The following EIF4E3 variants were observed in gnomAD, a reference collection of about 807,000 sequenced individuals.
EIF4E3 encodes the protein eukaryotic translation initiation factor 4E family member 3, also known as eukaryotic translation initiation factor 4E type 3.
In EIF4E3, 26 loss-of-function variants were observed where a neutral mutation model predicts 31.7. That is an observed-to-expected ratio of 0.82 (90% CI 0.60 to 1.14). The LOEUF (loss-of-function observed/expected upper bound fraction) is 1.14. Ranked by LOEUF, EIF4E3 falls within the 50% of genes most tolerant of loss-of-function variation. The pLI is 0.00. For missense variants in EIF4E3, 304 were observed against 270.9 expected (o/e 1.12, Z -0.86); for synonymous variants, 128 against 107.7 (o/e 1.19, Z -1.17).
chr3:71,754,461 C>T (rs1195242618), upstream of EIF4E3: 17 of 1,333,172 alleles, frequency 1.3e-5, no homozygotes, highest in Non-Finnish European at 1.5e-5. The surrounding 1 kb of genome is among the most constrained non-coding windows in gnomAD (Gnocchi z 5.8). Flanking sequence ...GGCCGGCTGG[C>T]CGTGCGCCGC....
intron 1 of EIF4E3, among the ~76,000 whole-genome samples, chr3:71,735,448 C>A (rs1343002437): frequency 6.6e-6 from 1 of 152,076 alleles, no homozygotes; most frequent in Non-Finnish European, 1.5e-5. Context: ...TCTTCAATAG[C>A]ATTAGTAACT....
chr3:71,688,125 C>G (rs1195443433), intron 6 of EIF4E3, among the ~76,000 whole-genome samples: 1 of 152,120 alleles, frequency 6.6e-6, no homozygotes, highest in African/African-American at 2.4e-5. Context: ...TTCTGTATTA[C>G]ATACTTTGCA....
Position 71,725,391 on chromosome 3 carries a change from C to G in EIF4E3, c.-24G>C, listed in dbSNP as rs1288483637. 1 of 976,518 alleles carries G rather than the reference C, an allele frequency of 1.0e-6. No homozygotes were observed. The highest frequency in any genetic ancestry group is 1.2e-6 in the Non-Finnish European group (1 of 825,806). The allele number at this position is 976,518 out of a possible 1,614,324, so 60.5% of individuals were successfully genotyped here. A position where few individuals can be genotyped will look rare whatever the true frequency, so the allele number is the denominator to read the frequency against. ...ATTTTCTCCGCCCCGCCTGCAAGGC[C>G]GGCGGACGCGCGGACCGCGGGGCGA... On this transcript the variant is annotated 5_prime_UTR_variant, in exon 1 of 7. Transcript: ENST00000425534. The surrounding 1 kb of genome is among the most constrained non-coding windows in gnomAD (Gnocchi z 6.1).
In EIF4E3 at chr3:71,677,922, G is replaced by T. The variant is rs569208459; in HGVS notation, c.*6760C>A. 9 of 152,040 alleles carry T rather than the reference G, an allele frequency of 5.9e-5. No homozygotes were observed. The highest frequency in any genetic ancestry group is 1.5e-5 in the Non-Finnish European group (1 of 68,020). 9.4% of individuals were successfully genotyped at this position (152,040 alleles called of 1,614,324 possible). On this transcript the variant is annotated 3_prime_UTR_variant, in exon 7 of 7. Coordinates refer to ENST00000425534, the MANE Select transcript of EIF4E3 (RefSeq NM_001134651.2). ...AAAACGGAACCATTCTTAATAGAGG[G>T]TAAAGAAAAAGAATTAAAATAAGCA... is the stretch of plus-strand genomic sequence containing the variant.
chr3:71,725,904 A>T (rs995657172), upstream of EIF4E3, among the ~76,000 whole-genome samples: 9 of 152,016 alleles, frequency 5.9e-5, no homozygotes, highest in Admixed American at 3.9e-4. This position sits in a 1 kb window ranked among gnomAD's most constrained non-coding sequence, Gnocchi z 6.1. Flanking sequence ...TGGAGGAGAG[A>T]AGGAGGGATG....
chr3:71,659,829 A>G, the EIF4E3 span, among the ~76,000 whole-genome samples: 1 of 152,212 alleles, frequency 6.6e-6, no homozygotes, highest in African/African-American at 2.4e-5. Context: ...GGGTGCTTTC[A>G]TGAGAACAGA....
chr3:71,699,831 G>T, intron 2 of EIF4E3, 123 bp from the exon 3 acceptor site: 1 of 746,938 alleles, frequency 1.3e-6, no homozygotes, highest in Non-Finnish European at 2.1e-6. Flanking sequence ...ATTCAAAATA[G>T]ATTTTTCTCA....
chr3:71,722,540 G>A (rs1252478943), intron 1 of EIF4E3, among the ~76,000 whole-genome samples: 1 of 152,170 alleles, frequency 6.6e-6, no homozygotes, highest in Non-Finnish European at 1.5e-5. Flanking sequence ...GTCCAGAAAA[G>A]GGGAGAAAAA....
chr3:71,739,110 T>C (rs1262116142), intron 1 of EIF4E3, among the ~76,000 whole-genome samples: 6 of 149,588 alleles, frequency 4.0e-5, no homozygotes, highest in African/African-American at 1.5e-4. Flanking sequence ...AAAGCACTAC[T>C]GAGAGGGAAA....
At chr3:71,742,180 A>C (rs770452236) in intron 1 of EIF4E3, among the ~76,000 whole-genome samples, 5 of 152,146 alleles carry the variant, frequency 3.3e-5, no homozygotes, top group Non-Finnish European at 7.4e-5. Flanking sequence ...TAGAAAACAG[A>C]AAAACAGTAG....
Position 71,705,338 on chromosome 3 carries a change from G to A in EIF4E3, c.249+5074C>T, listed in dbSNP as rs140711008. ...CTTAACTGCACAACTCCAGTCAGGCGGCTTGACCTGCGGATATGAAGTCTT... is the reference window on the plus strand; with the variant it reads ...CTTAACTGCACAACTCCAGTCAGGCAGCTTGACCTGCGGATATGAAGTCTT... On this transcript the variant is annotated intron_variant, in intron 2 of 6. Transcript: ENST00000425534. Among the ~76,000 whole-genome samples, 5 of 152,260 alleles carry A rather than the reference G, an allele frequency of 3.3e-5. No homozygotes were observed. The East Asian group carries it at 9.6e-4, about 29-fold the overall frequency.
At chr3:71,745,735 G>A (rs9812032) in intron 1 of EIF4E3, among the ~76,000 whole-genome samples, 116,808 of 152,076 alleles carry the variant, frequency 0.77, 45,288 homozygotes, top group South Asian at 0.86. Context: ...CATTGAGTCT[G>A]TCAATGCAAA....
Position 71,725,316 on chromosome 3 carries a change from C to T in EIF4E3, c.52G>A (p.Gly18Arg). 3.1e-6 allele frequency: 3 copies of T among 974,432 alleles called. No homozygotes were observed. The highest frequency in any genetic ancestry group is 3.7e-6 in the Non-Finnish European group (3 of 821,734). The allele number at this position is 974,432 out of a possible 1,614,324, so 60.4% of individuals were successfully genotyped here. ...APPAGAREPP[G>R]SRAAAAAAAP... ...GCGGCAGCGGCGGCGGCGCGGGACC[C>T]CGGCGGCTCCCGGGCCCCGGCGGGG... The change falls in exon 1 of 7, where the codon GGG becomes AGG. Residue 18 changes from glycine to arginine, a missense_variant. Transcript: ENST00000425534. This position sits in a 1 kb window ranked among gnomAD's most constrained non-coding sequence, Gnocchi z 6.1.
chr3:71,702,525 G>C (rs2049232296), intron 2 of EIF4E3, among the ~76,000 whole-genome samples: 1 of 152,126 alleles, frequency 6.6e-6, no homozygotes, highest in South Asian at 2.1e-4. Flanking sequence ...TCATGCTAAG[G>C]ATTGGAGCTT....
At chr3:71,692,597 T>TC (rs1491285112) in intron 5 of EIF4E3, among the ~76,000 whole-genome samples, 8 of 103,186 alleles carry the variant, frequency 7.8e-5, no homozygotes, top group African/African-American at 3.0e-4. Flanking sequence ...ACCCAGGTCT[T>TC]CTTTTTTTTT....
Position 71,684,393 on chromosome 3 carries a change from CA to C in EIF4E3, c.*288del, listed in dbSNP as rs71623920. The C allele has an allele frequency of 0.089, 17,557 of 196,884 alleles. 15 individuals carry two copies. Among genetic ancestry groups the C allele is most frequent in the Middle Eastern group, 0.14 (88 of 648 alleles). The allele number at this position is 196,884 out of a possible 1,614,324, so 12.2% of individuals were successfully genotyped here. A position where few individuals can be genotyped will look rare whatever the true frequency, so the allele number is the denominator to read the frequency against. ...AGGCTGAATAAGGAATTTTAAACGGCAAAAAAAAAAAAAAATCAGAGTGAAA... is the reference window on the plus strand; with the variant it reads ...AGGCTGAATAAGGAATTTTAAACGGCAAAAAAAAAAAAAATCAGAGTGAAA... On this transcript the variant is annotated 3_prime_UTR_variant, in exon 7 of 7. Transcript: ENST00000425534.
At chr3:71,688,198 T>A (rs2049018360) in intron 6 of EIF4E3, among the ~76,000 whole-genome samples, 1 of 152,192 alleles carries the variant, frequency 6.6e-6, no homozygotes, top group Non-Finnish European at 1.5e-5. Flanking sequence ...TCTTTCCCCT[T>A]GTTTGGCTTT....
At chr3:71,671,714 GTATA>G (rs1424318634), downstream of EIF4E3, among the ~76,000 whole-genome samples, 2 of 152,094 alleles carry the variant, frequency 1.3e-5, no homozygotes, top group African/African-American at 4.8e-5. Flanking sequence ...AGATCCCACG[GTATA>G]TAGATTTGTG....
At position 71,699,676 on chromosome 3, in the gene EIF4E3, A is replaced by G. The variant is rs571405935; in HGVS notation, c.282T>C (p.Pro94=). The change falls in exon 3 of 7, where the codon CCT becomes CCC. Residue 94 remains proline, a synonymous_variant. Transcript: ENST00000425534. ...IFWSVYNNIP[P]VTSLPLRCSY... ...TACATCTCAAAGGCAGGCTAGTCAC[A>G]GGAGGGATATTATTGTATACACTCC... 6 of 1,613,608 alleles carry G rather than the reference A, an allele frequency of 3.7e-6. No homozygotes were observed. Among genetic ancestry groups the G allele is most frequent in the Non-Finnish European group, 5.1e-6 (6 of 1,179,850 alleles).
Sources: gnomAD v4.1 joint callset for allele counts (sites outside exome capture counted in the v4.1 genomes callset) on GRCh38, gnomAD v4.1.1 for gene constraint, Gnocchi (gnomAD v3.1) non-coding constraint, MANE v1.5 for transcripts, NCBI Gene and HGNC (gene_info 2026-07-23, HGNC 2026-07-21) for gene names.